PDSS1: variants seen among roughly 807,000 people sequenced by gnomAD.
PDSS1 encodes the protein all trans-polyprenyl-diphosphate synthase PDSS1.
PDSS1 carries 43 observed loss-of-function variants against 57.5 expected under a neutral mutation model. The ratio of observed to expected loss-of-function variants is 0.75; its 90% confidence interval spans 0.59 to 0.96. PDSS1 has a LOEUF of 0.96. Among genes scored for constraint, PDSS1 ranks in the 50% least tolerant of loss-of-function variants. The pLI is 0.00. For missense variants in PDSS1, 438 were observed against 527.8 expected (o/e 0.83, Z 1.67); for synonymous variants, 175 against 191.3 (o/e 0.91, Z 0.70).
intron 5 of PDSS1, chr10:26,714,883 A>G (rs1835513649): frequency 6.6e-6 from 1 of 152,224 alleles, no homozygotes; most frequent in South Asian, 2.1e-4. Flanking sequence ...AGGTGTGATA[A>G]CAATCCTGTA....
At chr10:26,705,218 T>C in intron 3 of PDSS1, 68 bp from the exon 4 acceptor site, 2 of 842,446 alleles carry the variant, frequency 2.4e-6, no homozygotes, top group Non-Finnish European at 4.1e-6. Context: ...CGTATCTGAG[T>C]CTACTAAATA....
At chr10:26,716,535 T>G (rs1267359764) in intron 5 of PDSS1, among the ~76,000 whole-genome samples, 1 of 152,024 alleles carries the variant, frequency 6.6e-6, no homozygotes, top group Non-Finnish European at 1.5e-5. Flanking sequence ...CTACTAAAAA[T>G]ACAAAAATTA....
Position 26,720,239 on chromosome 10 carries a change from C to T in PDSS1, c.489C>T (p.Arg163=), listed in dbSNP as rs747109562. Residue 163 remains arginine, a synonymous_variant, in exon 6 of 12, where the codon CGC becomes CGT. Transcript: ENST00000376215. ...TTAGACATGTGCAAGCCAGCCAGCG[C>T]GCCATAGCCTTAATTGCAGAAATGA... ...NNSRHVQASQ[R]AIALIAEMIH... 66 of 1,612,832 alleles carry T rather than the reference C, an allele frequency of 4.1e-5. No homozygotes were observed. The highest frequency in any genetic ancestry group is 1.8e-4 in the Admixed American group (11 of 59,984).
chr10:26,724,359 A>G (rs112454772), intron 8 of PDSS1, among the ~76,000 whole-genome samples: 8 of 152,226 alleles, frequency 5.3e-5, no homozygotes, highest in African/African-American at 1.7e-4. Flanking sequence ...CAAGAATTCA[A>G]TCAAAATAAG....
chr10:26,725,651 C>CT (rs1332257978), intron 8 of PDSS1, among the ~76,000 whole-genome samples: 1 of 152,160 alleles, frequency 6.6e-6, no homozygotes, highest in African/African-American at 2.4e-5. Flanking sequence ...TGGCCCAACT[C>CT]TCCCTGAAGG....
At chr10:26,732,004 G>A (rs1294717914) in intron 8 of PDSS1, among the ~76,000 whole-genome samples, 1 of 152,244 alleles carries the variant, frequency 6.6e-6, no homozygotes, top group East Asian at 1.9e-4. Context: ...GATGCAAGGT[G>A]TGAACCTTCC....
chr10:26,724,010 A>G lies in PDSS1; in HGVS notation c.722-4A>G, dbSNP rs928314820. ...TCTCAAATGACTCCTTTCCTTCTTT[A>G]TAGGTGAATTTCTTCAGCTCGGGTC... On this transcript the variant is annotated splice_region_variant and splice_polypyrimidine_tract_variant and intron_variant, in intron 7 of 11. Transcript: ENST00000376215. 1 of 1,610,870 alleles carries G rather than the reference A, an allele frequency of 6.2e-7. No homozygotes were observed. The highest frequency in any genetic ancestry group is 8.5e-7 in the Non-Finnish European group (1 of 1,177,102).
intron 8 of PDSS1, among the ~76,000 whole-genome samples, chr10:26,728,969 C>T (rs553970117): frequency 2.6e-5 from 4 of 151,788 alleles, no homozygotes; most frequent in Non-Finnish European, 5.9e-5. Context: ...TTAGTAGAGA[C>T]GGGGTTTTGC....
intron 8 of PDSS1, among the ~76,000 whole-genome samples, chr10:26,725,483 G>A (rs1396602852): frequency 6.6e-6 from 1 of 151,900 alleles, no homozygotes; most frequent in Non-Finnish European, 1.5e-5. Context: ...TATTAAAAGG[G>A]CTATTATGTT....
rs773432018 is a variant in PDSS1 at position 26,735,333 on chromosome 10, TTTA to T, written c.912+16_912+18del. On this transcript the variant is annotated intron_variant, in intron 9 of 11. Coordinates refer to ENST00000376215, the MANE Select transcript of PDSS1 (RefSeq NM_014317.5). ...AATAGCTTTTCAGGTTAGTATGCTT[TTTA>T]TTTGTAAGAATGGTGGCGTAGTGAT... is the stretch of plus-strand genomic sequence containing the variant. The T allele has an allele frequency of 2.4e-5, 38 of 1,583,256 alleles. No homozygotes were observed. Among genetic ancestry groups the T allele is most frequent in the Non-Finnish European group, 3.3e-5 (38 of 1,151,934 alleles).
At chr10:26,714,338 G>A (rs1274559627) in intron 5 of PDSS1, among the ~76,000 whole-genome samples, 1 of 151,980 alleles carries the variant, frequency 6.6e-6, no homozygotes, top group Non-Finnish European at 1.5e-5. Flanking sequence ...GCCAGTCGTG[G>A]TGACACACAC....
chr10:26,742,948 TCATCCATGTCCC>T (rs1326132313), intron 11 of PDSS1, among the ~76,000 whole-genome samples: 1 of 152,184 alleles, frequency 6.6e-6, no homozygotes, highest in Non-Finnish European at 1.5e-5. Context: ...GGCTCCAGCC[TCATCCATGTCCC>T]CATCCATGAC....
At chr10:26,726,285 G>A (rs1835944287) in intron 8 of PDSS1, among the ~76,000 whole-genome samples, 1 of 152,180 alleles carries the variant, frequency 6.6e-6, no homozygotes, top group African/African-American at 2.4e-5. Context: ...GTTTCATGCT[G>A]CCCACTAGGG....
At position 26,711,700 on chromosome 10, in the gene PDSS1, C is replaced by T. The variant is rs186925358; in HGVS notation, c.467+1932C>T. Among the ~76,000 whole-genome samples, 2 of 95,766 alleles carry T rather than the reference C, an allele frequency of 2.1e-5. 1 individual carries two copies. Among genetic ancestry groups the T allele is most frequent in the East Asian group, 5.1e-4 (2 of 3,922 alleles). 62.8% of individuals were successfully genotyped at this position (95,766 alleles called of 152,430 possible). On this transcript the variant is annotated intron_variant, in intron 5 of 11. Transcript: ENST00000376215. Reference sequence around the variant, plus strand: ...TTTGTTGGGGGTCACTGGGGGCTGCCATGTGCATTACAGGATGTTTAGCAG... The same window carrying T: ...TTTGTTGGGGGTCACTGGGGGCTGCTATGTGCATTACAGGATGTTTAGCAG...
Position 26,720,346 on chromosome 10 carries a change from G to A in PDSS1, c.596G>A (p.Trp199Ter). 1 of 1,611,434 alleles carries A rather than the reference G, an allele frequency of 6.2e-7. No homozygotes were observed. Among genetic ancestry groups the A allele is most frequent in the Non-Finnish European group, 8.5e-7 (1 of 1,177,526 alleles). Residue 199 changes from tryptophan (W) to a stop codon, truncating the protein, a stop_gained, in exon 6 of 12, where the codon TGG (tryptophan) becomes TAG (stop). Transcript: ENST00000376215. LOFTEE classifies it high-confidence loss of function. ...RRGKHTVNKI[W>*]GEKKAVLAGD... ...GGAAAACACACAGTTAATAAGATCT[G>A]GGGTGAAAAGAAGGTATGGTTTTTT...
Position 26,735,281 on chromosome 10 carries a change from C to G in PDSS1, c.873C>G (p.Ile291Met). The G allele has an allele frequency of 1.2e-6, 2 of 1,613,398 alleles. No individual in the cohort carries two copies. Among genetic ancestry groups the G allele is most frequent in the Middle Eastern group, 1.6e-4 (1 of 6,062 alleles). Residue 291 changes from isoleucine to methionine, a missense_variant, in exon 9 of 12, where the codon ATC becomes ATG. By Grantham distance (10) the Ile-to-Met change is conservative. Transcript: ENST00000376215. The part of the protein sequence containing the change: ...LGCPDPVVHE[I>M]AYQYGKNVGI... ...GTCCCGACCCAGTGGTGCATGAGAT[C>G]GCCTATCAGTACGGAAAAAATGTAG...
At chr10:26,722,298 T>G (rs1214632482) in intron 6 of PDSS1, among the ~76,000 whole-genome samples, 1 of 152,216 alleles carries the variant, frequency 6.6e-6, no homozygotes, top group Non-Finnish European at 1.5e-5. Flanking sequence ...GATTAATTGG[T>G]AAACACAATG....
chr10:26,736,349 G>A (rs969222150), intron 10 of PDSS1, among the ~76,000 whole-genome samples: 4 of 152,138 alleles, frequency 2.6e-5, no homozygotes, highest in African/African-American at 9.7e-5. Flanking sequence ...CATCTTAGTA[G>A]TATTTAATTT....
At chr10:26,730,260 C>T (rs1836134529) in intron 8 of PDSS1, among the ~76,000 whole-genome samples, 1 of 151,916 alleles carries the variant, frequency 6.6e-6, no homozygotes, top group Non-Finnish European at 1.5e-5. Context: ...CTCATTCTTG[C>T]TGATTTCGTG....
Sources: gnomAD v4.1 joint callset for allele counts (sites outside exome capture counted in the v4.1 genomes callset) on GRCh38, gnomAD v4.1.1 for gene constraint, MANE v1.5 for transcripts, NCBI Gene and HGNC (gene_info 2026-07-23, HGNC 2026-07-21) for gene names.